Variants in ADAMTSL1 observed in about 807,000 individuals in gnomAD.
ADAMTSL1 encodes ADAMTS-like protein 1.
Under a neutral mutation model 201.8 loss-of-function variants are expected in ADAMTSL1, and 126 were observed. The ratio of observed to expected loss-of-function variants is 0.62; its 90% CI spans 0.54 to 0.72. ADAMTSL1 has a LOEUF of 0.72. Ranked by LOEUF, ADAMTSL1 falls within the 30% of genes least tolerant of loss-of-function variation. The pLI is 0.00. For missense variants in ADAMTSL1, 2,679 were observed against 2,277.8 expected, an observed-to-expected ratio of 1.18 and a Z score of -3.59; for synonymous variants, 1,121 against 903.4, an observed-to-expected ratio of 1.24 and a Z score of -4.32.
intron 2 of ADAMTSL1, among the ~76,000 whole-genome samples, chr9:18,391,464 G>C (rs1838041425): frequency 6.6e-6 from 1 of 151,744 alleles, no homozygotes; most frequent in African/African-American, 2.4e-5. Flanking sequence ...TTTTTTTTTA[G>C]AGACAAGGTC....
chr9:18,774,356 C>A (rs932290124), intron 17 of ADAMTSL1, among the ~76,000 whole-genome samples: 9 of 152,242 alleles, frequency 5.9e-5, no homozygotes, highest in African/African-American at 1.9e-4. Context: ...ACACTTAGAA[C>A]TTGAGCCCTC....
At chr9:18,693,170 C>A (rs1412971594) in intron 13 of ADAMTSL1, among the ~76,000 whole-genome samples, 1 of 152,164 alleles carries the variant, frequency 6.6e-6, no homozygotes, top group Non-Finnish European at 1.5e-5. Context: ...TAGCTGATGG[C>A]ATGATAAGGC....
At chr9:18,048,139 A>G (rs1412907923) in intron 1 of ADAMTSL1, among the ~76,000 whole-genome samples, 2 of 152,134 alleles carry the variant, frequency 1.3e-5, no homozygotes, top group Non-Finnish European at 2.9e-5. Flanking sequence ...TCTGATGTTG[A>G]CTATTCTATT....
intron 1 of ADAMTSL1, among the ~76,000 whole-genome samples, chr9:17,955,195 C>T (rs1232199050): frequency 6.6e-6 from 1 of 152,078 alleles, no homozygotes; most frequent in Non-Finnish European, 1.5e-5. Context: ...AAGGGCCTGC[C>T]TTTTGTTTGA....
chr9:18,297,763 G>A (rs775116245), intron 2 of ADAMTSL1, among the ~76,000 whole-genome samples: 20 of 152,170 alleles, frequency 1.3e-4, no homozygotes, highest in Non-Finnish European at 2.4e-4. Flanking sequence ...CTTAACTGAA[G>A]GGAAAGGGAG....
chr9:17,926,770 A>G (rs1450212082), intron 1 of ADAMTSL1, among the ~76,000 whole-genome samples: 2 of 152,124 alleles, frequency 1.3e-5, no homozygotes, highest in Admixed American at 1.3e-4. Context: ...CAGATTTCCA[A>G]GGTGTGGTCT....
intron 2 of ADAMTSL1, among the ~76,000 whole-genome samples, chr9:18,254,580 G>A (rs1430117091): frequency 2.0e-5 from 3 of 151,470 alleles, no homozygotes; most frequent in African/African-American, 7.3e-5. Flanking sequence ...AGCCAGGATG[G>A]TCTCGATCTC....
rs553149750 is a variant in ADAMTSL1, at chr9:18,858,118, TA to T, written c.4249+28142del. 3.9e-5 allele frequency among the ~76,000 whole-genome samples: 6 copies of T among 152,338 alleles called. No homozygotes were observed. The East Asian group carries it at 9.6e-4, about 24-fold the overall frequency. ...ACACACACTAATATAATCATTTCTATATTAATCTATACATTGAGTCATGAGT... is the reference window on the plus strand; with the variant it reads ...ACACACACTAATATAATCATTTCTATTTAATCTATACATTGAGTCATGAGT... On this transcript the variant is annotated intron_variant, in intron 23 of 28. Coordinates refer to ENST00000380548, the MANE Select transcript of ADAMTSL1 (RefSeq NM_001040272.6).
chr9:18,636,993 A>G lies in ADAMTSL1; in HGVS notation c.676+976A>G, dbSNP rs376894727. On this transcript the variant is annotated intron_variant, in intron 6 of 28. Coordinates refer to ENST00000380548, the MANE Select transcript of ADAMTSL1 (RefSeq NM_001040272.6). ...TGGATTATGAATGAAATCACGCTAA[A>G]AAGGCAAACAAGAGGAAGACAAATT... 3.0e-4 allele frequency among the ~76,000 whole-genome samples: 45 copies of G among 152,286 alleles called. 1 individual carries two copies. The East Asian group carries it at 7.3e-3, about 25-fold the overall frequency.
Position 18,864,019 on chromosome 9 carries a change from G to A in ADAMTSL1, c.4250-23812G>A, listed in dbSNP as rs115033707. On this transcript the variant is annotated intron_variant, in intron 23 of 28. Coordinates refer to ENST00000380548, the MANE Select transcript of ADAMTSL1 (RefSeq NM_001040272.6). ...TAATGAAAATGCTGACAGGCCTGGAGCCAGCTCATGAAGTAATAATGCCAC... is the reference window on the plus strand; with the variant it reads ...TAATGAAAATGCTGACAGGCCTGGAACCAGCTCATGAAGTAATAATGCCAC... Among the ~76,000 whole-genome samples the A allele has an allele frequency of 7.3e-3, 1,107 of 152,318 alleles. 17 individuals are homozygous for A. The highest frequency in any genetic ancestry group is 0.025 in the African/African-American group (1,050 of 41,552).
intron 1 of ADAMTSL1, among the ~76,000 whole-genome samples, chr9:18,047,774 C>T (rs1009156683): frequency 1.3e-5 from 2 of 152,174 alleles, no homozygotes; most frequent in African/African-American, 2.4e-5. Flanking sequence ...GTCTAATGCT[C>T]AGTTAGCGTT....
At chr9:18,849,711 C>G (rs1349183924) in intron 23 of ADAMTSL1, among the ~76,000 whole-genome samples, 1 of 152,196 alleles carries the variant, frequency 6.6e-6, no homozygotes, top group East Asian at 1.9e-4. Flanking sequence ...CTCATTTATA[C>G]TGGAAGGCCG....
rs1163254740 is a variant in ADAMTSL1 at position 18,132,868 on chromosome 9, A to T, written c.88-30994A>T. ...CCCATTTAGTTATTTGGATTATAACATGTTTATTTTCCTTTCCTCTGAGAT... is the reference window on the plus strand; with the variant it reads ...CCCATTTAGTTATTTGGATTATAACTTGTTTATTTTCCTTTCCTCTGAGAT... On this transcript the variant is annotated intron_variant, in intron 1 of 29. Coordinates refer to the ADAMTSL1 transcript ENST00000680146. 3.3e-5 allele frequency among the ~76,000 whole-genome samples: 5 copies of T among 152,242 alleles called. No individual in the cohort carries two copies. In the East Asian group the frequency reaches 9.7e-4, roughly 29 times the overall value.
intron 1 of ADAMTSL1, among the ~76,000 whole-genome samples, chr9:18,157,556 G>C (rs1433292491): frequency 3.3e-5 from 5 of 151,868 alleles, no homozygotes; most frequent in Non-Finnish European, 7.4e-5. Flanking sequence ...AACTAAGCAG[G>C]AACATCTGTA....
intron 2 of ADAMTSL1, among the ~76,000 whole-genome samples, chr9:18,299,586 G>T (rs1833619101): frequency 6.6e-6 from 1 of 152,138 alleles, no homozygotes; most frequent in South Asian, 2.1e-4. Context: ...GTCCTCTCAG[G>T]GGAAGACAAA....
intron 1 of ADAMTSL1, among the ~76,000 whole-genome samples, chr9:17,935,719 C>G (rs1351799864): frequency 6.6e-6 from 1 of 152,216 alleles, no homozygotes; most frequent in Non-Finnish European, 1.5e-5. Context: ...TCTAGCTGTT[C>G]TATCTGTAGG....
chr9:18,605,676 A>G (rs537350283), intron 4 of ADAMTSL1, among the ~76,000 whole-genome samples: 3 of 152,320 alleles, frequency 2.0e-5, no homozygotes, highest in African/African-American at 7.2e-5. Flanking sequence ...CCCCGGTACT[A>G]TAATCTTGAA....
chr9:18,569,332 C>T (rs1037014824), intron 3 of ADAMTSL1, among the ~76,000 whole-genome samples: 5 of 152,082 alleles, frequency 3.3e-5, no homozygotes, highest in African/African-American at 7.2e-5. Flanking sequence ...AGCTCTGACA[C>T]GGTTAGAATT....
chr9:18,099,569 CT>C (rs1399654024), intron 1 of ADAMTSL1, among the ~76,000 whole-genome samples: 2 of 147,906 alleles, frequency 1.4e-5, no homozygotes, highest in Admixed American at 6.8e-5. Flanking sequence ...TTTTTTTTAC[CT>C]GTCTTCAATA....
Sources: allele counts gnomAD v4.1 joint callset (sites outside exome capture counted in the v4.1 genomes callset), GRCh38; gene constraint gnomAD v4.1.1; transcripts MANE v1.5; gene names NCBI Gene and HGNC (gene_info 2026-07-23, HGNC 2026-07-21).